ZNF44: variants seen among roughly 807,000 people sequenced by gnomAD.
ZNF44 encodes the protein gonadotropin inducible transcription repressor-2.
In ZNF44, 9 loss-of-function variants were observed where a neutral mutation model predicts 11.7. The ratio of observed to expected loss-of-function variants is 0.77; its 90% CI spans 0.46 to 1.35. ZNF44 has a LOEUF of 1.35. Ranked by LOEUF, ZNF44 falls within the 40% of genes most tolerant of loss-of-function variation. The pLI, the probability that ZNF44 is intolerant of heterozygous loss-of-function variation, is 0.00. For synonymous variants in ZNF44, 224 were observed against 242.7 expected, an observed-to-expected ratio of 0.92 and a Z score of 0.72; for missense variants, 696 against 743.1, an observed-to-expected ratio of 0.94 and a Z score of 0.74.
At chr19:12,250,051 C>T in intron 6 of ZNF44, 1 of 1,276,664 alleles carries the variant, frequency 7.8e-7, no homozygotes, top group South Asian at 1.3e-5. Flanking sequence ...GAAATGCAGA[C>T]CCAGAAAAAA....
chr19:12,234,917 T>A (rs2145678710), intron 1 of ZNF44: 1 of 152,216 alleles, frequency 6.6e-6, no homozygotes, highest in South Asian at 2.1e-4. Context: ...AACTAGGACA[T>A]GGACAAACAG....
At chr19:12,234,505 A>G (rs915813153) in intron 2 of ZNF44, among the ~76,000 whole-genome samples, 4 of 152,220 alleles carry the variant, frequency 2.6e-5, no homozygotes, top group African/African-American at 9.6e-5. Context: ...TCATTTAGAA[A>G]GCATGGAAAA....
Position 12,289,671 on chromosome 19 carries a change from G to T in ZNF44, c.3+5021C>A, listed in dbSNP as rs1465831299. Among the ~76,000 whole-genome samples, 3 of 136,944 alleles carry T rather than the reference G, an allele frequency of 2.2e-5. No individual in the cohort carries two copies. The Admixed American group carries it at 2.2e-4, about 10-fold the overall frequency. 89.8% of individuals were successfully genotyped at this position (136,944 alleles called of 152,430 possible). ...TTTTTTTTTTTTTTTTTGAGATGGA[G>T]TCTTGTTCTGTCGCCCAGGCTGAAG... is the stretch of plus-strand genomic sequence containing the variant. On this transcript the variant is annotated intron_variant, in intron 1 of 3. Transcript: ENST00000355684.
At chr19:12,270,500 G>A (rs1966915817), downstream of ZNF44, among the ~76,000 whole-genome samples, 1 of 151,414 alleles carries the variant, frequency 6.6e-6, no homozygotes. Flanking sequence ...CACCCAGACT[G>A]GAGTGCAGTG....
Position 12,232,863 on chromosome 19 carries a change from T to C in ZNF44, n.380+1804A>G, listed in dbSNP as rs190259294. ...AGAGGAAGAGATTCCCACAGTACCA[T>C]TGTCATGCCAGGATGACTGCAGGCA... On this transcript the variant is annotated intron_variant and non_coding_transcript_variant, in intron 2 of 3. Transcript: ENST00000597563. Among the ~76,000 whole-genome samples, 63 of 152,248 alleles carry C rather than the reference T, an allele frequency of 4.1e-4. No individual in the cohort carries two copies. The South Asian group carries it at 5.8e-3, about 14-fold the overall frequency.
chr19:12,228,061 A>G (rs1915994255), intron 3 of ZNF44, among the ~76,000 whole-genome samples: 1 of 152,216 alleles, frequency 6.6e-6, no homozygotes, highest in East Asian at 1.9e-4. Context: ...TTAATGCTCA[A>G]TTTACAGAAA....
At chr19:12,256,638 T>C (rs915596604) in intron 5 of ZNF44, among the ~76,000 whole-genome samples, 4 of 152,164 alleles carry the variant, frequency 2.6e-5, no homozygotes, top group Admixed American at 2.6e-4. Flanking sequence ...AGCTCTTTTC[T>C]TTCAATATTT....
intron 1 of ZNF44, among the ~76,000 whole-genome samples, chr19:12,282,050 C>A: frequency 6.6e-6 from 1 of 152,288 alleles, no homozygotes; most frequent in East Asian, 1.9e-4. Flanking sequence ...ATTGCCCTAA[C>A]ACCAAAACTA....
At chr19:12,247,572 A>C, downstream of ZNF44, 1 of 1,340,488 alleles carries the variant, frequency 7.5e-7, no homozygotes, top group South Asian at 1.2e-5. Context: ...GAAACCTGCA[A>C]GAGTAATGTA....
chr19:12,274,048 CTCTA>C lies in ZNF44; in HGVS notation c.203_206del (p.Val68GlyfsTer16), dbSNP rs1240706599. ...TACCATCTTTACTTTTACCAAATCT[CTCTA>C]CCACATCACACCTGTAAAAAATGAA... On this transcript the variant is annotated frameshift_variant, in exon 4 of 4. Transcript: ENST00000355684. LOFTEE classifies it low-confidence loss of function (END_TRUNC). 6.2e-7 allele frequency: 1 copy of C among 1,611,540 alleles called. No individual in the cohort carries two copies. Among genetic ancestry groups the C allele is most frequent in the Non-Finnish European group, 8.5e-7 (1 of 1,178,266 alleles).
At chr19:12,248,854 C>T (rs1341089547) in intron 7 of ZNF44, among the ~76,000 whole-genome samples, 2 of 151,654 alleles carry the variant, frequency 1.3e-5, no homozygotes, top group African/African-American at 2.4e-5. Flanking sequence ...AGGGCTCAAA[C>T]ATAACTGTTA....
intron 5 of ZNF44, chr19:12,260,207 AG>A: frequency 1.3e-6 from 1 of 776,954 alleles, no homozygotes; most frequent in Non-Finnish European, 2.4e-6. Flanking sequence ...TACAGCACCA[AG>A]CCCAGTAACT....
chr19:12,291,031 T>C, intron 1 of ZNF44: 1 of 249,004 alleles, frequency 4.0e-6, no homozygotes, highest in Non-Finnish European at 8.0e-6. Flanking sequence ...AAGGAAATTG[T>C]AAGTCACTTC....
intron 1 of ZNF44, among the ~76,000 whole-genome samples, chr19:12,236,240 C>T (rs1916384135): frequency 6.6e-6 from 1 of 152,092 alleles, no homozygotes; most frequent in Non-Finnish European, 1.5e-5. Context: ...TTGAGACCTG[C>T]GTCCCACACT....
rs764438913 is a variant in ZNF44 at position 12,273,702 on chromosome 19, G to A, written c.553C>T (p.Arg185Ter). Reference sequence around the variant, plus strand: ...CCACCTTTTACTACCATATGTCTTCGAAGGTTTCCAGGAGAACTGAAGGTT... The same window carrying A: ...CCACCTTTTACTACCATATGTCTTCAAAGGTTTCCAGGAGAACTGAAGGTT... ...GKTFSSPGNLRRHMVVKGGDG... is the reference protein window; with the variant it reads ...GKTFSSPGNL Residue 185 changes from arginine to a stop codon, truncating the protein, a stop_gained, in exon 4 of 4, where the codon CGA (arginine) becomes TGA (stop). Coordinates refer to ENST00000355684, the MANE Select transcript of ZNF44 (RefSeq NM_016264.4). LOFTEE classifies it low-confidence loss of function (END_TRUNC). The A allele has an allele frequency of 1.2e-5, 19 of 1,613,992 alleles. No individual in the cohort carries two copies. Among genetic ancestry groups the A allele is most frequent in the Admixed American group, 5.0e-5 (3 of 59,988 alleles).
intron 3 of ZNF44, chr19:12,226,555 T>G (rs1422278588): frequency 6.6e-6 from 1 of 152,220 alleles, no homozygotes; most frequent in Admixed American, 6.5e-5. Context: ...AGATTCTTGT[T>G]GCACTTATGC....
At chr19:12,251,160 C>T (rs1252937310) in intron 5 of ZNF44, among the ~76,000 whole-genome samples, 3 of 151,876 alleles carry the variant, frequency 2.0e-5, no homozygotes, top group African/African-American at 7.3e-5. Context: ...GGTGAAACCC[C>T]ATCTCTACTA....
chr19:12,229,710 T>A (rs961652696), intron 3 of ZNF44, among the ~76,000 whole-genome samples: 2 of 152,046 alleles, frequency 1.3e-5, no homozygotes, highest in African/African-American at 4.8e-5. Context: ...GCCTCCCAGG[T>A]TCACGCCATT....
rs984489318 is a variant in ZNF44, at chr19:12,271,856, T to C, written c.*551A>G. The C allele has an allele frequency of 6.6e-6, 1 of 152,258 alleles. No individual in the cohort carries two copies. The highest frequency in any genetic ancestry group is 1.5e-5 in the Non-Finnish European group (1 of 68,098). The allele number at this position is 152,258 out of a possible 1,614,324, so 9.4% of individuals were successfully genotyped here. On this transcript the variant is annotated 3_prime_UTR_variant, in exon 4 of 4. Coordinates refer to ENST00000355684, the MANE Select transcript of ZNF44 (RefSeq NM_016264.4). ...AATTAATCTAGACATTTATAGAGTATACAGGAGAATGTGGGTAGGTACATG... is the reference window on the plus strand; with the variant it reads ...AATTAATCTAGACATTTATAGAGTACACAGGAGAATGTGGGTAGGTACATG...
Sources: allele counts gnomAD v4.1 joint callset (sites outside exome capture counted in the v4.1 genomes callset), GRCh38; gene constraint gnomAD v4.1.1; transcripts MANE v1.5; gene names NCBI Gene and HGNC (gene_info 2026-07-23, HGNC 2026-07-21).